The following SH3RF1 variants were observed in gnomAD, a reference collection of about 807,000 sequenced individuals.
SH3RF1 encodes the protein E3 ubiquitin-protein ligase SH3RF1.
In SH3RF1, 32 loss-of-function variants were observed where a neutral mutation model predicts 74.0. The ratio of observed to expected loss-of-function variants is 0.43; its 90% CI spans 0.33 to 0.58. SH3RF1 has a LOEUF of 0.58. Among genes scored for constraint, SH3RF1 ranks in the 20% least tolerant of loss-of-function variants. The pLI is 0.05. For missense variants in SH3RF1, 954 were observed against 1,130.9 expected (o/e 0.84, Z 2.24); for synonymous variants, 396 against 439.6 (o/e 0.90, Z 1.24).
intron 11 of SH3RF1, among the ~76,000 whole-genome samples, 161 bp downstream of exon 11, chr4:169,106,686 G>C (rs1276445172): frequency 6.6e-6 from 1 of 152,162 alleles, no homozygotes; most frequent in African/African-American, 2.4e-5. Context: ...AACAGAGTAT[G>C]TCATGTCAAG....
chr4:169,097,652 G>C (rs1186793657), intron 11 of SH3RF1, among the ~76,000 whole-genome samples: 5 of 152,112 alleles, frequency 3.3e-5, no homozygotes, highest in African/African-American at 9.7e-5. Context: ...TCAACAAAAG[G>C]GGGGAAAAGA....
chr4:169,218,985 T>C (rs1256463728), intron 2 of SH3RF1, among the ~76,000 whole-genome samples: 1 of 152,178 alleles, frequency 6.6e-6, no homozygotes, highest in African/African-American at 2.4e-5. Context: ...CTCTAAAATA[T>C]GCAAAGAATC....
chr4:169,247,976 A>G (rs1731032037), intron 2 of SH3RF1, among the ~76,000 whole-genome samples: 1 of 152,258 alleles, frequency 6.6e-6, no homozygotes, highest in Admixed American at 6.5e-5. Context: ...ATCATTAAAA[A>G]GTCTGGAAAC....
intron 2 of SH3RF1, chr4:169,203,934 C>CT (rs1225422224): frequency 1.3e-5 from 2 of 152,178 alleles, no homozygotes; most frequent in African/African-American, 4.8e-5. Flanking sequence ...TCAGCAATTA[C>CT]TTTTTACAAA....
chr4:169,246,429 C>T (rs574147788), intron 2 of SH3RF1, among the ~76,000 whole-genome samples: 3 of 152,288 alleles, frequency 2.0e-5, no homozygotes, highest in South Asian at 4.1e-4. Context: ...CAACCCCGCT[C>T]ATCTGTATTC....
At chr4:169,236,049 C>T (rs184034922) in intron 2 of SH3RF1, among the ~76,000 whole-genome samples, 1 of 152,326 alleles carries the variant, frequency 6.6e-6, no homozygotes, top group African/African-American at 2.4e-5. Context: ...CAACATTTGC[C>T]TCAGGATCCT....
chr4:169,207,752 G>A (rs537110178), intron 2 of SH3RF1, among the ~76,000 whole-genome samples: 2 of 152,306 alleles, frequency 1.3e-5, no homozygotes, highest in South Asian at 2.1e-4. Flanking sequence ...TAAGACACTT[G>A]TTTAGAAAGC....
At chr4:169,194,766 G>T (rs907662045) in intron 2 of SH3RF1, among the ~76,000 whole-genome samples, 1 of 152,124 alleles carries the variant, frequency 6.6e-6, no homozygotes, top group East Asian at 1.9e-4. Flanking sequence ...ATAAACTGTT[G>T]TACCAGTCTC....
At chr4:169,116,744 T>A in intron 9 of SH3RF1, 114 bp from the exon 10 acceptor site, 2 of 1,332,804 alleles carry the variant, frequency 1.5e-6, no homozygotes, top group Non-Finnish European at 2.0e-6. Context: ...CTATTGTATT[T>A]ATTACAATAA....
intron 2 of SH3RF1, among the ~76,000 whole-genome samples, chr4:169,239,656 A>C (rs962542431): frequency 6.6e-6 from 1 of 152,228 alleles, no homozygotes; most frequent in Admixed American, 6.5e-5. Context: ...AAGCAAGTAC[A>C]TTAAAGGATA....
rs552807116 is a variant in SH3RF1, at chr4:169,180,912, T to C, written c.394-24233A>G. Among the ~76,000 whole-genome samples, 195 of 152,310 alleles carry C rather than the reference T, an allele frequency of 1.3e-3. 4 individuals are homozygous for C. Among genetic ancestry groups the C allele is most frequent in the Middle Eastern group, 0.01 (3 of 294 alleles). The stretch of plus-strand genomic sequence containing the variant: ...TAGAAATCTTGAGCACCTATTAGCA[T>C]TCTCAGCACTAGCCGGACGAAGGGT... On this transcript the variant is annotated intron_variant, in intron 2 of 11. Coordinates refer to ENST00000284637, the MANE Select transcript of SH3RF1 (RefSeq NM_020870.4).
intron 2 of SH3RF1, among the ~76,000 whole-genome samples, chr4:169,164,031 C>T (rs1349103655): frequency 6.6e-6 from 1 of 152,194 alleles, no homozygotes; most frequent in Non-Finnish European, 1.5e-5. Context: ...CCAGGCATTG[C>T]CTCCTTGGGG....
intron 2 of SH3RF1, among the ~76,000 whole-genome samples, chr4:169,169,139 T>C (rs566993242): frequency 6.6e-6 from 1 of 152,320 alleles, no homozygotes; most frequent in South Asian, 2.1e-4. Context: ...AGCATTCTTC[T>C]AGTCAATTAA....
At chr4:169,201,966 T>A (rs1561051832) in intron 2 of SH3RF1, 2 of 152,182 alleles carry the variant, frequency 1.3e-5, no homozygotes, top group Admixed American at 6.5e-5. Flanking sequence ...CTGACAGCTA[T>A]GAGAGAGGAG....
chr4:169,190,160 G>A (rs1208651833), intron 2 of SH3RF1, among the ~76,000 whole-genome samples: 1 of 152,044 alleles, frequency 6.6e-6, no homozygotes, highest in Non-Finnish European at 1.5e-5. Flanking sequence ...ACACCTCAAG[G>A]AACCGGAGAA....
chr4:169,185,931 T>C (rs1356720763), intron 2 of SH3RF1, among the ~76,000 whole-genome samples: 1 of 152,152 alleles, frequency 6.6e-6, no homozygotes, highest in Non-Finnish European at 1.5e-5. Flanking sequence ...AAAGTGCCTG[T>C]CATAAGCTTA....
At chr4:169,253,701 A>G (rs78013539) in intron 2 of SH3RF1, among the ~76,000 whole-genome samples, 1 of 152,170 alleles carries the variant, frequency 6.6e-6, no homozygotes, top group Non-Finnish European at 1.5e-5. Context: ...GATGATCTGC[A>G]TCAAAAGAAG....
intron 4 of SH3RF1, 90 bp downstream of exon 4, chr4:169,155,390 T>C: frequency 1.0e-6 from 1 of 953,526 alleles, no homozygotes; most frequent in Non-Finnish European, 1.6e-6. Context: ...CTTTTTGTTG[T>C]GAGGACTTCT....
chr4:169,187,498 T>G (rs924777116), intron 2 of SH3RF1, among the ~76,000 whole-genome samples: 1 of 150,924 alleles, frequency 6.6e-6, no homozygotes, highest in African/African-American at 2.4e-5. Context: ...TACAGTATAT[T>G]TTCTTTACAA....
Sources: gnomAD v4.1 joint callset for allele counts (sites outside exome capture counted in the v4.1 genomes callset) on GRCh38, gnomAD v4.1.1 for gene constraint, MANE v1.5 for transcripts, NCBI Gene and HGNC (gene_info 2026-07-23, HGNC 2026-07-21) for gene names.